SORBS2: variants seen among roughly 807,000 people sequenced by gnomAD.
SORBS2 encodes sorbin and SH3 domain-containing protein 2.
SORBS2 carries 46 observed loss-of-function variants against 97.7 expected under a neutral mutation model. The ratio of observed to expected loss-of-function variants is 0.47; its 90% CI spans 0.37 to 0.60. The LOEUF is 0.60. Ranked by LOEUF, SORBS2 falls within the 20% of genes least tolerant of loss-of-function variation. SORBS2 has a pLI of 0.00. For missense variants in SORBS2, 1,316 were observed against 1,282.3 expected (o/e 1.03, Z -0.40); for synonymous variants, 476 against 473.4 (o/e 1.01, Z -0.07).
intron 1 of SORBS2, among the ~76,000 whole-genome samples, chr4:185,818,252 C>A (rs1423470552): frequency 6.6e-6 from 1 of 152,168 alleles, no homozygotes; most frequent in Admixed American, 6.5e-5. Flanking sequence ...TGCAATGGCA[C>A]AATCTTGGCT....
intron 1 of SORBS2, among the ~76,000 whole-genome samples, chr4:185,944,397 G>A (rs952032131): frequency 1.1e-4 from 17 of 152,146 alleles, no homozygotes; most frequent in Admixed American, 2.0e-4. Context: ...CTCAATGTCA[G>A]TTCATTTCCA....
At chr4:185,950,763 A>C (rs950487573) in intron 1 of SORBS2, among the ~76,000 whole-genome samples, 2 of 152,292 alleles carry the variant, frequency 1.3e-5, no homozygotes, top group Admixed American at 1.3e-4. Context: ...AACAGGCTGA[A>C]TATTCCTTAG....
At chr4:185,827,381 T>C (rs368056160) in intron 1 of SORBS2, among the ~76,000 whole-genome samples, 174 of 7,714 alleles carry the variant, frequency 0.023, 79 homozygotes, top group Admixed American at 0.033. Context: ...ATCATCATCA[T>C]CATCATCATC....
At chr4:185,942,629 A>G (rs1034488788) in intron 1 of SORBS2, among the ~76,000 whole-genome samples, 1 of 152,112 alleles carries the variant, frequency 6.6e-6, no homozygotes, top group Non-Finnish European at 1.5e-5. Flanking sequence ...GATTATAGGC[A>G]TGAGCCACCG....
intron 1 of SORBS2, among the ~76,000 whole-genome samples, chr4:185,887,249 G>T (rs932227354): frequency 6.6e-6 from 1 of 152,244 alleles, no homozygotes; most frequent in African/African-American, 2.4e-5. Context: ...CTTTCTGTTA[G>T]TAGAACCCTA....
chr4:185,902,697 A>G (rs2149835249), intron 1 of SORBS2, among the ~76,000 whole-genome samples: 1 of 152,036 alleles, frequency 6.6e-6, no homozygotes, highest in South Asian at 2.1e-4. Context: ...TTAAAAAAAA[A>G]AAAAAAAGAA....
chr4:185,760,913 G>A (rs1024843863), intron 2 of SORBS2, among the ~76,000 whole-genome samples: 2 of 152,192 alleles, frequency 1.3e-5, no homozygotes, highest in African/African-American at 4.8e-5. Context: ...CATGTTAGCA[G>A]AGCAGAAAAC....
At chr4:185,731,593 TCC>T (rs2098630424) in intron 2 of SORBS2, among the ~76,000 whole-genome samples, 1 of 111,432 alleles carries the variant, frequency 9.0e-6, no homozygotes, top group Non-Finnish European at 1.8e-5. Context: ...TCTCCCTCCC[TCC>T]CTGCCTATCT....
At chr4:185,588,834 C>T (rs970256437) in intron 14 of SORBS2, among the ~76,000 whole-genome samples, 9 of 152,080 alleles carry the variant, frequency 5.9e-5, no homozygotes, top group Non-Finnish European at 1.3e-4. Flanking sequence ...AGGCTGGCCT[C>T]GAACTCCTGG....
chr4:185,670,143 T>C (rs1456798050), intron 4 of SORBS2, among the ~76,000 whole-genome samples: 6 of 151,788 alleles, frequency 4.0e-5, no homozygotes, highest in African/African-American at 1.2e-4. Context: ...TGCTTGAACC[T>C]GGGAGGTGGA....
At chr4:185,635,021 ACT>A (rs997524652) in intron 4 of SORBS2, among the ~76,000 whole-genome samples, 2 of 152,170 alleles carry the variant, frequency 1.3e-5, no homozygotes, top group African/African-American at 4.8e-5. Flanking sequence ...GTAGTATTTT[ACT>A]CTGTCTCATA....
At chr4:185,955,918 G>T (rs2099279328) in intron 1 of SORBS2, among the ~76,000 whole-genome samples, 1 of 151,796 alleles carries the variant, frequency 6.6e-6, no homozygotes, top group African/African-American at 2.4e-5. Flanking sequence ...ATGGTTGAAA[G>T]CTGCATTTGT....
intron 1 of SORBS2, among the ~76,000 whole-genome samples, chr4:185,921,167 A>G (rs1354817237): frequency 6.6e-6 from 1 of 152,172 alleles, no homozygotes; most frequent in Non-Finnish European, 1.5e-5. Flanking sequence ...TCAATTTTCC[A>G]TGGTTCCCAT....
At chr4:185,761,694 A>T (rs977566845) in intron 2 of SORBS2, 1 of 152,202 alleles carries the variant, frequency 6.6e-6, no homozygotes, top group Non-Finnish European at 1.5e-5. Flanking sequence ...TCCGAAAGAG[A>T]ATCTGAGGAA....
chr4:185,745,787 C>G (rs2098756135), intron 2 of SORBS2, among the ~76,000 whole-genome samples: 1 of 152,162 alleles, frequency 6.6e-6, no homozygotes. Context: ...TTGAAGACAT[C>G]CCTCGGGCTA....
chr4:185,662,274 T>C, intron 4 of SORBS2, 32 bp from the exon 8 acceptor site: 1 of 1,566,092 alleles, frequency 6.4e-7, no homozygotes, highest in South Asian at 1.2e-5. Context: ...CGAGTTAAAT[T>C]AGCACATAGT....
chr4:185,918,470 G>A (rs1259289828), intron 1 of SORBS2: 1 of 152,192 alleles, frequency 6.6e-6, no homozygotes, highest in East Asian at 1.9e-4. Flanking sequence ...CCAACTGACT[G>A]ATCTTTACAG....
intron 1 of SORBS2, among the ~76,000 whole-genome samples, chr4:185,845,025 T>G (rs1281672836): frequency 2.6e-5 from 4 of 151,658 alleles, no homozygotes; most frequent in Non-Finnish European, 5.9e-5. Flanking sequence ...TGCTTTTTTT[T>G]TTTTTTGGAC....
chr4:185,780,269 C>A (rs1425419564), intron 1 of SORBS2, among the ~76,000 whole-genome samples: 1 of 152,136 alleles, frequency 6.6e-6, no homozygotes, highest in Non-Finnish European at 1.5e-5. Context: ...CGCACCTCAG[C>A]CTCCCAAAGT....
Sources: gnomAD v4.1 joint callset for allele counts (sites outside exome capture counted in the v4.1 genomes callset) on GRCh38, gnomAD v4.1.1 for gene constraint, MANE v1.5 for transcripts, NCBI Gene and HGNC (gene_info 2026-07-23, HGNC 2026-07-21) for gene names.